The following CNTN3 variants were observed in gnomAD, a reference collection of about 807,000 sequenced individuals.
CNTN3 encodes the protein contactin 3, also known as contactin-3.
Under a neutral mutation model 119.1 loss-of-function variants are expected in CNTN3, and 60 were observed. The ratio of observed to expected loss-of-function variants is 0.50; its 90% CI spans 0.41 to 0.62. The LOEUF is 0.62. Among genes scored for constraint, CNTN3 ranks in the 20% least tolerant of loss-of-function variants. The probability of loss-of-function intolerance (pLI) is 0.00; values close to 1 mark genes in which losing one functional copy is unlikely to be tolerated. For missense variants in CNTN3, 1,101 were observed against 1,242.4 expected (o/e 0.89, Z 1.71); for synonymous variants, 450 against 438.7 (o/e 1.03, Z -0.32).
At chr3:74,587,598 T>C (rs541591145) in intron 1 of CNTN3, among the ~76,000 whole-genome samples, 1 of 152,100 alleles carries the variant, frequency 6.6e-6, no homozygotes, top group East Asian at 1.9e-4. Flanking sequence ...CTTAACCTGT[T>C]GTACTGATAC....
chr3:74,597,371 T>C (rs1413945183), intron 1 of CNTN3, among the ~76,000 whole-genome samples: 2 of 151,984 alleles, frequency 1.3e-5, no homozygotes, highest in African/African-American at 2.4e-5. Context: ...GAACTACATG[T>C]TATCAGGCAG....
At chr3:74,415,483 GTTTC>G (rs1485408795) in intron 5 of CNTN3, among the ~76,000 whole-genome samples, 5 of 152,066 alleles carry the variant, frequency 3.3e-5, no homozygotes, top group Non-Finnish European at 5.9e-5. Flanking sequence ...TAAAGCTTCT[GTTTC>G]TTTATTTTTA....
At chr3:74,560,270 G>C (rs1049279327) in intron 1 of CNTN3, among the ~76,000 whole-genome samples, 31 of 152,144 alleles carry the variant, frequency 2.0e-4, no homozygotes, top group African/African-American at 7.5e-4. Flanking sequence ...AGAGCATTCA[G>C]TGCAGGGCAT....
chr3:74,500,532 T>G (rs1247855610), intron 2 of CNTN3, among the ~76,000 whole-genome samples: 1 of 149,188 alleles, frequency 6.7e-6, no homozygotes, highest in Non-Finnish European at 1.5e-5. Context: ...AGCTCTTTAC[T>G]TTCCTATTTT....
chr3:74,547,997 T>A (rs963043625), intron 1 of CNTN3, among the ~76,000 whole-genome samples: 3 of 152,176 alleles, frequency 2.0e-5, no homozygotes, highest in Non-Finnish European at 4.4e-5. Context: ...CCACCTTTAG[T>A]TCATTCCAGA....
chr3:74,424,832 G>A lies in CNTN3; in HGVS notation c.454+13C>T, dbSNP rs753692612. ...TTAATAAATATGAAAAGCAGAAACA[G>A]AGCATGACTTACCTCCAGAGTGTGG... On this transcript the variant is annotated intron_variant, in intron 5 of 22. Coordinates refer to ENST00000263665, the MANE Select transcript of CNTN3 (RefSeq NM_020872.3). 3.7e-6 allele frequency: 6 copies of A among 1,610,396 alleles called. No individual in the cohort carries two copies. In the East Asian group the frequency reaches 1.1e-4, roughly 30 times the overall value.
chr3:74,355,970 T>C (rs1001300850), intron 11 of CNTN3, among the ~76,000 whole-genome samples: 7 of 152,012 alleles, frequency 4.6e-5, no homozygotes, highest in South Asian at 2.1e-4. Flanking sequence ...AATCAGTTAC[T>C]CAAGTACCTG....
intron 2 of CNTN3, among the ~76,000 whole-genome samples, chr3:74,506,685 T>C (rs530480933): frequency 6.6e-6 from 1 of 150,536 alleles, no homozygotes; most frequent in African/African-American, 2.4e-5. Context: ...TTGGATGCAA[T>C]ATGCAATGTG....
At chr3:74,596,004 A>G (rs1559673075) in intron 1 of CNTN3, among the ~76,000 whole-genome samples, 1 of 152,178 alleles carries the variant, frequency 6.6e-6, no homozygotes, top group Non-Finnish European at 1.5e-5. Flanking sequence ...TCAGGATACA[A>G]AATCAATGTA....
Position 74,278,767 on chromosome 3 carries a change from TTAAAC to T in CNTN3, c.2704+6533_2704+6537del, listed in dbSNP as rs528583646. On this transcript the variant is annotated intron_variant, in intron 20 of 22. Transcript: ENST00000263665. ...ACAAGGATAAACAGCTGGAACTTAATTAAACTAAAGAGCTTTTGCATGGCAAAGCA... is the reference window on the plus strand; with the variant it reads ...ACAAGGATAAACAGCTGGAACTTAATTAAAGAGCTTTTGCATGGCAAAGCA... Among the ~76,000 whole-genome samples the T allele has an allele frequency of 2.6e-3, 403 of 152,210 alleles. 1 individual carries two copies. Among genetic ancestry groups the T allele is most frequent in the African/African-American group, 9.1e-3 (377 of 41,540 alleles).
At position 74,499,802 on chromosome 3, in the gene CNTN3, C is replaced by T. The variant is rs767766497; in HGVS notation, c.56-17G>A. ...GAAGCTCACCTATATGGGTGGGAGA[C>T]ATCCAAAAAATAATAATCAGTAAAA... On this transcript the variant is annotated splice_polypyrimidine_tract_variant and intron_variant, in intron 2 of 22. Transcript: ENST00000263665. 4 of 1,571,772 alleles carry T rather than the reference C, an allele frequency of 2.5e-6. No homozygotes were observed. Among genetic ancestry groups the T allele is most frequent in the Non-Finnish European group, 3.4e-6 (4 of 1,165,776 alleles).
At chr3:74,474,614 C>T (rs1221507775) in intron 4 of CNTN3, among the ~76,000 whole-genome samples, 1 of 152,104 alleles carries the variant, frequency 6.6e-6, no homozygotes, top group Non-Finnish European at 1.5e-5. Flanking sequence ...CTCCCTCAGC[C>T]TCCCAAGTAG....
chr3:74,346,075 G>A (rs560788959), intron 11 of CNTN3, among the ~76,000 whole-genome samples: 18 of 152,060 alleles, frequency 1.2e-4, no homozygotes, highest in African/African-American at 3.9e-4. Flanking sequence ...TGTGAAATAC[G>A]ACACGATATA....
At chr3:74,326,830 T>C (rs1251850480) in intron 13 of CNTN3, among the ~76,000 whole-genome samples, 2 of 152,272 alleles carry the variant, frequency 1.3e-5, no homozygotes, top group Non-Finnish European at 1.5e-5. Context: ...TTGACCCAAA[T>C]ATGTCCAAAT....
At chr3:74,488,468 T>C (rs1034585253) in intron 3 of CNTN3, among the ~76,000 whole-genome samples, 4 of 152,132 alleles carry the variant, frequency 2.6e-5, no homozygotes, top group Admixed American at 2.6e-4. Context: ...GTAGGAAATT[T>C]AGCTTTTTTG....
At chr3:74,480,823 G>C (rs1011421933) in intron 4 of CNTN3, among the ~76,000 whole-genome samples, 1 of 151,798 alleles carries the variant, frequency 6.6e-6, no homozygotes, top group Non-Finnish European at 1.5e-5. Flanking sequence ...AATCCTCATT[G>C]TTGGAGATAT....
intron 3 of CNTN3, among the ~76,000 whole-genome samples, chr3:74,491,198 A>C (rs1185321797): frequency 6.6e-6 from 1 of 152,168 alleles, no homozygotes; most frequent in Non-Finnish European, 1.5e-5. Flanking sequence ...ATTTTCATTC[A>C]TGTAAGAAAT....
intron 16 of CNTN3, among the ~76,000 whole-genome samples, chr3:74,300,720 C>T (rs1263836626): frequency 6.6e-6 from 1 of 152,098 alleles, no homozygotes; most frequent in Non-Finnish European, 1.5e-5. Flanking sequence ...AGTGATACAC[C>T]AGCTCTATTT....
At chr3:74,544,970 G>T (rs1703894094) in intron 1 of CNTN3, among the ~76,000 whole-genome samples, 1 of 152,122 alleles carries the variant, frequency 6.6e-6, no homozygotes, top group South Asian at 2.1e-4. Flanking sequence ...CAAAGAATAA[G>T]CCATCCCCCA....
Sources: allele counts gnomAD v4.1 joint callset (sites outside exome capture counted in the v4.1 genomes callset), GRCh38; gene constraint gnomAD v4.1.1; transcripts MANE v1.5; gene names NCBI Gene and HGNC (gene_info 2026-07-23, HGNC 2026-07-21).